KCNQ1: variants seen among roughly 807,000 people sequenced by gnomAD.
The protein encoded by KCNQ1 is potassium voltage-gated channel subfamily KQT member 1.
In KCNQ1, 49 loss-of-function variants were observed where a neutral mutation model predicts 72.4. The observed-to-expected ratio is 0.68, with a 90% CI of 0.54 to 0.86. KCNQ1 has a LOEUF of 0.86. KCNQ1 is among the 40% of genes least tolerant of loss of function. The pLI, the probability that KCNQ1 is intolerant of heterozygous loss-of-function variation, is 0.00. For missense variants in KCNQ1, 790 were observed against 945.1 expected, an observed-to-expected ratio of 0.84 and a Z score of 2.15; for synonymous variants, 450 against 412.6, an observed-to-expected ratio of 1.09 and a Z score of -1.10.
intron 15 of KCNQ1, among the ~76,000 whole-genome samples, chr11:2,795,828 T>C (rs1847117191): frequency 6.6e-6 from 1 of 152,144 alleles, no homozygotes; most frequent in African/African-American, 2.4e-5. Flanking sequence ...TCTCTCCAGC[T>C]CTCATCCCCT....
chr11:2,648,047 C>T (rs988857482), intron 10 of KCNQ1: 1 of 385,172 alleles, frequency 2.6e-6, no homozygotes, highest in African/African-American at 2.3e-5. Context: ...ACCCCCATCT[C>T]TACCAAAAAA....
At chr11:2,572,742 G>A (rs1210596680) in intron 5 of KCNQ1, 104 bp from the exon 6 acceptor site, 29 of 1,483,052 alleles carry the variant, frequency 2.0e-5, no homozygotes, top group South Asian at 1.4e-4. Context: ...CTGGAGCGGC[G>A]TAGGACGCCC....
At chr11:2,577,337 C>A (rs1284360662) in intron 6 of KCNQ1, among the ~76,000 whole-genome samples, 1 of 152,210 alleles carries the variant, frequency 6.6e-6, no homozygotes, top group Non-Finnish European at 1.5e-5. Context: ...CCCTGCAGGA[C>A]TGTTTCGGCC....
In KCNQ1 at chr11:2,590,547, G is replaced by A. The variant is rs144111707; in HGVS notation, c.1393+1693G>A. ...GAGAGCCCTCATCTTCCAGGTGGTGGGGGGAGCACAGCATTTGAAGCCCAC... is the reference window on the plus strand; with the variant it reads ...GAGAGCCCTCATCTTCCAGGTGGTGAGGGGAGCACAGCATTTGAAGCCCAC... On this transcript the variant is annotated intron_variant, in intron 10 of 15. Transcript: ENST00000155840. Among the ~76,000 whole-genome samples, 52 of 152,332 alleles carry A rather than the reference G, an allele frequency of 3.4e-4. No individual in the cohort carries two copies. In the East Asian group the frequency reaches 9.1e-3, roughly 27 times the overall value.
chr11:2,656,503 T>G, intron 10 of KCNQ1: 1 of 398,708 alleles, frequency 2.5e-6, no homozygotes. Flanking sequence ...CATGAGCTCC[T>G]GAGTTTATTT....
chr11:2,758,520 G>A (rs1043055514), intron 11 of KCNQ1, among the ~76,000 whole-genome samples: 6 of 152,122 alleles, frequency 3.9e-5, no homozygotes, highest in Non-Finnish European at 7.4e-5. Flanking sequence ...GTCAGCATGC[G>A]ACTACCACAC....
At position 2,842,955 on chromosome 11, in the gene KCNQ1, G is replaced by A. The variant is rs576084670; in HGVS notation, c.1795-4812G>A. ...CAAAGTGACTTGCCCAAGGTCACCC[G>A]GCCAGGAAGCGGCAGAGGCAGGATC... On this transcript the variant is annotated intron_variant, in intron 15 of 15. Coordinates refer to ENST00000155840, the MANE Select transcript of KCNQ1 (RefSeq NM_000218.3). 5.9e-5 allele frequency among the ~76,000 whole-genome samples: 9 copies of A among 152,300 alleles called. No individual in the cohort carries two copies. In the South Asian group the frequency reaches 1.0e-3, roughly 18 times the overall value.
chr11:2,836,628 C>CA (rs1291528753), intron 15 of KCNQ1, among the ~76,000 whole-genome samples: 1 of 152,232 alleles, frequency 6.6e-6, no homozygotes, highest in Non-Finnish European at 1.5e-5. Flanking sequence ...GAGGGCTGCA[C>CA]AGCCGTCCCA....
chr11:2,694,669 C>G (rs1018334069), intron 11 of KCNQ1: 2 of 398,644 alleles, frequency 5.0e-6, no homozygotes, highest in Non-Finnish European at 8.8e-6. Flanking sequence ...TGTGCGGACC[C>G]TATACGGAAG....
rs1850516746 is a variant in KCNQ1 at position 2,687,806 on chromosome 11, C to G, written c.1514+25725C>G. ...CACCCCTAAGCCACCCAGCCTGGCC[C>G]CCCTCCTCTGCCCCAACTGGCTCCA... On this transcript the variant is annotated intron_variant, in intron 11 of 15. Transcript: ENST00000155840. The surrounding 1 kb of genome is among the most constrained non-coding windows in gnomAD (Gnocchi z 5.0). The G allele has an allele frequency of 5.0e-6, 2 of 398,648 alleles. No individual in the cohort carries two copies. Among genetic ancestry groups the G allele is most frequent in the Admixed American group, 8.8e-5 (2 of 22,722 alleles). The allele number at this position is 398,648 out of a possible 1,614,324, so 24.7% of individuals were successfully genotyped here.
intron 11 of KCNQ1, among the ~76,000 whole-genome samples, chr11:2,728,646 C>T (rs984714398): frequency 3.3e-5 from 5 of 152,224 alleles, no homozygotes; most frequent in African/African-American, 1.2e-4. Context: ...AGCTGGCCTA[C>T]AGGACGGAGG....
intron 15 of KCNQ1, among the ~76,000 whole-genome samples, chr11:2,799,874 G>C (rs558685868): frequency 1.1e-4 from 16 of 152,244 alleles, no homozygotes; most frequent in African/African-American, 3.9e-4. Context: ...GTGTGTTTTC[G>C]GTGCCTGCCC....
At chr11:2,755,438 A>C (rs2133967531) in intron 11 of KCNQ1, among the ~76,000 whole-genome samples, 1 of 152,294 alleles carries the variant, frequency 6.6e-6, no homozygotes, top group East Asian at 1.9e-4. Context: ...TTTTGTGTAG[A>C]GGTGGAGTCT....
chr11:2,797,894 G>T (rs545615431), intron 15 of KCNQ1, among the ~76,000 whole-genome samples: 6 of 152,142 alleles, frequency 3.9e-5, no homozygotes, highest in African/African-American at 1.4e-4. Flanking sequence ...CCTGCCCTGC[G>T]TACTGTGCCA....
At chr11:2,797,510 T>C (rs1847161799) in intron 15 of KCNQ1, among the ~76,000 whole-genome samples, 1 of 152,202 alleles carries the variant, frequency 6.6e-6, no homozygotes, top group Non-Finnish European at 1.5e-5. Flanking sequence ...CTCCCGTGGC[T>C]GTACCAGCCC....
At chr11:2,760,236 G>T (rs1564883965) in intron 11 of KCNQ1, among the ~76,000 whole-genome samples, 1 of 152,224 alleles carries the variant, frequency 6.6e-6, no homozygotes, top group Admixed American at 6.5e-5. Flanking sequence ...CACTCAGCCT[G>T]GGCTGTGTGC....
chr11:2,822,903 A>G (rs1386504194), intron 15 of KCNQ1, among the ~76,000 whole-genome samples: 1 of 151,962 alleles, frequency 6.6e-6, no homozygotes, highest in Non-Finnish European at 1.5e-5. Flanking sequence ...GAGTGCTTGG[A>G]AATGTCAATT....
intron 8 of KCNQ1, 62 bp downstream of exon 8, chr11:2,585,369 C>T (rs959136111): frequency 2.1e-6 from 3 of 1,424,302 alleles, no homozygotes; most frequent in African/African-American, 1.4e-5. Context: ...TGCATCCAGC[C>T]CTCACGGCCA....
Position 2,565,342 on chromosome 11 carries a change from G to C in KCNQ1, c.478-5286G>C, listed in dbSNP as rs1205069228. Among the ~76,000 whole-genome samples, 1 of 152,064 alleles carries C rather than the reference G, an allele frequency of 6.6e-6. No homozygotes were observed. Among genetic ancestry groups the C allele is most frequent in the East Asian group, 1.9e-4 (1 of 5,192 alleles). Reference sequence around the variant, plus strand: ...TGGATGAGAGGTGGCATCTCGTTGTGGTCTTGATTTGCATTTCCCTGATGA... The same window carrying C: ...TGGATGAGAGGTGGCATCTCGTTGTCGTCTTGATTTGCATTTCCCTGATGA... On this transcript the variant is annotated intron_variant, in intron 2 of 15. Coordinates refer to ENST00000155840, the MANE Select transcript of KCNQ1 (RefSeq NM_000218.3). The surrounding 1 kb of genome is among the most constrained non-coding windows in gnomAD (Gnocchi z 5.6).
Sources: allele counts gnomAD v4.1 joint callset (sites outside exome capture counted in the v4.1 genomes callset), GRCh38; gene constraint gnomAD v4.1.1; non-coding constraint Gnocchi (gnomAD v3.1); transcripts MANE v1.5; gene names NCBI Gene and HGNC (gene_info 2026-07-23, HGNC 2026-07-21).